The following BICRA variants were observed in gnomAD, a reference collection of about 807,000 sequenced individuals.
BICRA encodes the protein BRD4-interacting chromatin-remodeling complex-associated protein.
In BICRA, 31 loss-of-function variants were observed where a neutral mutation model predicts 96.9. That is an observed-to-expected ratio of 0.32 (90% CI 0.24 to 0.43). BICRA has a LOEUF of 0.43. BICRA is among the 20% of genes least tolerant of loss of function. The pLI is 1.00. For missense variants in BICRA, 2,283 were observed against 2,190.3 expected, an observed-to-expected ratio of 1.04 and a Z score of -0.84; for synonymous variants, 1,350 against 1,071.8, an observed-to-expected ratio of 1.26 and a Z score of -5.07.
In BICRA at chr19:47,680,280, G is replaced by A. The variant is rs1973017249; in HGVS notation, c.1110G>A (p.Pro370=). The A allele has an allele frequency of 4.5e-6, 7 of 1,559,044 alleles. No homozygotes were observed. Among genetic ancestry groups the A allele is most frequent in the East Asian group, 2.4e-5 (1 of 41,592 alleles). ...AGCTCTACCAGCTGACGCCCAAGCC[G>A]TTTGCGCCCGCGGGCGCCACGCTCA... ...PPKLYQLTPK[P]FAPAGATLTI... The change falls in exon 6 of 15, where the codon CCG becomes CCA. Residue 370 remains proline, a synonymous_variant. Transcript: ENST00000594866.
intron 1 of BICRA, among the ~76,000 whole-genome samples, chr19:47,631,308 A>G (rs1599795125): frequency 6.6e-6 from 1 of 151,958 alleles, no homozygotes; most frequent in Non-Finnish European, 1.5e-5. Context: ...GCTCACTGCA[A>G]CCTCCGCCTC....
Position 47,698,645 on chromosome 19 carries a change from A to G in BICRA, c.3260A>G (p.His1087Arg). ...QPSKEACFLE[H>R]LHKHQGSVLH... ...CTTTCCACCCGCAGTTTCCTGGAGCATTTGCACAAACACCAGGGCTCCGTC... is the reference window on the plus strand; with the variant it reads ...CTTTCCACCCGCAGTTTCCTGGAGCGTTTGCACAAACACCAGGGCTCCGTC... Residue 1087 changes from histidine (H) to arginine (R), a missense_variant, in exon 12 of 15, where the codon CAT (histidine) becomes CGT (arginine). Transcript: ENST00000594866. This position sits in a 1 kb window ranked among gnomAD's most constrained non-coding sequence, Gnocchi z 4.8. 2 of 1,403,876 alleles carry G rather than the reference A, an allele frequency of 1.4e-6. No individual in the cohort carries two copies. The highest frequency in any genetic ancestry group is 1.9e-6 in the Non-Finnish European group (2 of 1,033,158). The allele number at this position is 1,403,876 out of a possible 1,614,324, so 87.0% of individuals were successfully genotyped here.
intron 1 of BICRA, among the ~76,000 whole-genome samples, chr19:47,644,602 G>A (rs547369898): frequency 2.5e-4 from 38 of 151,822 alleles, no homozygotes; most frequent in African/African-American, 8.9e-4. Flanking sequence ...TTGGGTTCAA[G>A]CAACCCTCCT....
intron 7 of BICRA, among the ~76,000 whole-genome samples, chr19:47,691,710 C>T (rs1973243427): frequency 6.6e-6 from 1 of 152,046 alleles, no homozygotes; most frequent in Non-Finnish European, 1.5e-5. Flanking sequence ...ATTACAGGCA[C>T]ACATCGCACC....
chr19:47,620,045 G>C (rs141142358), intron 1 of BICRA, among the ~76,000 whole-genome samples: 29 of 152,268 alleles, frequency 1.9e-4, no homozygotes, highest in Admixed American at 7.9e-4. Flanking sequence ...GGGGAGTCCT[G>C]CCCCGTGGAG....
chr19:47,645,943 A>C (rs2123541460), intron 1 of BICRA, among the ~76,000 whole-genome samples: 1 of 152,248 alleles, frequency 6.6e-6, no homozygotes, highest in Non-Finnish European at 1.5e-5. Context: ...CAAAAAATTA[A>C]AAAAGTTAGC....
At chr19:47,633,299 T>C (rs991655724) in intron 1 of BICRA, among the ~76,000 whole-genome samples, 4 of 151,926 alleles carry the variant, frequency 2.6e-5, no homozygotes, top group African/African-American at 9.7e-5. Context: ...AGGCTGGTCT[T>C]GAGCTCCTGA....
intron 7 of BICRA, among the ~76,000 whole-genome samples, chr19:47,692,064 C>T (rs898664137): frequency 3.3e-5 from 5 of 151,998 alleles, no homozygotes; most frequent in Non-Finnish European, 7.4e-5. Flanking sequence ...ATTGGAGTGC[C>T]GCTGCATGTG....
chr19:47,696,040 G>A (rs1201066726), intron 10 of BICRA, among the ~76,000 whole-genome samples: 1 of 152,102 alleles, frequency 6.6e-6, no homozygotes, highest in Non-Finnish European at 1.5e-5. Flanking sequence ...GAGGACAAGA[G>A]GGGAAGCCAG....
At chr19:47,673,033 A>G (rs554203690) in intron 2 of BICRA, among the ~76,000 whole-genome samples, 7 of 152,184 alleles carry the variant, frequency 4.6e-5, no homozygotes, top group African/African-American at 1.7e-4. Flanking sequence ...CTTCTTGTCT[A>G]CACTGGCTCC....
intron 1 of BICRA, among the ~76,000 whole-genome samples, chr19:47,664,360 T>G (rs550429655): frequency 9.8e-5 from 15 of 152,296 alleles, no homozygotes; most frequent in African/African-American, 3.6e-4. Context: ...GGAAGGACAC[T>G]GTGTCATTGT....
rs151237836 is a variant in BICRA, at chr19:47,650,127, G to T, written c.-107-20316G>T. Among the ~76,000 whole-genome samples, 1,099 of 151,418 alleles carry T rather than the reference G, an allele frequency of 7.3e-3. 20 individuals carry two copies. Among genetic ancestry groups the T allele is most frequent in the African/African-American group, 0.025 (1,012 of 41,196 alleles). ...GCCACCATGCCTGGCTAATTTTTTTGTTTGTTTGTTTGTTTGTTTTTTGAG... is the reference window on the plus strand; with the variant it reads ...GCCACCATGCCTGGCTAATTTTTTTTTTTGTTTGTTTGTTTGTTTTTTGAG... On this transcript the variant is annotated intron_variant, in intron 1 of 14. Transcript: ENST00000594866.
At chr19:47,679,068 T>G in intron 5 of BICRA, 1 of 336,288 alleles carries the variant, frequency 3.0e-6, no homozygotes, top group Non-Finnish European at 5.4e-6. Context: ...CCCTGACTAA[T>G]TTTTCTTTTT....
At chr19:47,655,279 A>C (rs1972597495) in intron 1 of BICRA, among the ~76,000 whole-genome samples, 1 of 151,976 alleles carries the variant, frequency 6.6e-6, no homozygotes, top group Non-Finnish European at 1.5e-5. Context: ...TAATCCCAGC[A>C]CTTTGGGAGG....
intron 10 of BICRA, 97 bp from the exon 11 acceptor site, chr19:47,696,353 TC>T: frequency 9.0e-7 from 1 of 1,109,056 alleles, no homozygotes; most frequent in Non-Finnish European, 1.3e-6. Flanking sequence ...GAGACACTGG[TC>T]CCCTGTCCCG....
Position 47,701,762 on chromosome 19 carries a change from G to A in BICRA, c.4030G>A (p.Glu1344Lys). 3 of 1,528,018 alleles carry A rather than the reference G, an allele frequency of 2.0e-6. No homozygotes were observed. Among genetic ancestry groups the A allele is most frequent in the Non-Finnish European group, 2.6e-6 (3 of 1,133,184 alleles). The allele number at this position is 1,528,018 out of a possible 1,614,324, so 94.7% of individuals were successfully genotyped here. A position where few individuals can be genotyped will look rare whatever the true frequency, so the allele number is the denominator to read the frequency against. Residue 1344 changes from glutamate to lysine, a missense_variant, in exon 15 of 15, where the codon GAG becomes AAG. Transcript: ENST00000594866. This position sits in a 1 kb window ranked among gnomAD's most constrained non-coding sequence, Gnocchi z 5.4. The stretch of plus-strand genomic sequence containing the variant: ...ACCCCCCGCTACCCTCAAGGTGGCC[G>A]AGCCCCCGCCACGGCCGCCACCACC... ...PPPPATLKVA[E>K]PPPRPPPPPP...
chr19:47,682,179 C>G (rs747645342), intron 7 of BICRA, 27 bp downstream of exon 7: 3 of 1,155,396 alleles, frequency 2.6e-6, no homozygotes, highest in African/African-American at 1.5e-5. Flanking sequence ...AGCCTGTGTC[C>G]GCAGCACAGA....
chr19:47,679,964 C>A lies in BICRA; in HGVS notation c.794C>A (p.Ser265Ter). 6.7e-7 allele frequency: 1 copy of A among 1,489,578 alleles called. No homozygotes were observed. Among genetic ancestry groups the A allele is most frequent in the Non-Finnish European group, 8.9e-7 (1 of 1,127,026 alleles). The allele number at this position is 1,489,578 out of a possible 1,614,324, so 92.3% of individuals were successfully genotyped here. A position where few individuals can be genotyped will look rare whatever the true frequency, so the allele number is the denominator to read the frequency against. ...GTGCCCGTCAGCGGCTACCTGGCCT[C>A]GGCGGCTGGCCCCTCGGAGCCCGTG... ...KQVPVSGYLA[S>*]AAGPSEPVTL... The change falls in exon 6 of 15, where the codon TCG (serine) becomes TAG (stop). Residue 265 changes from serine to a stop codon, truncating the protein, a stop_gained. Coordinates refer to ENST00000594866, the MANE Select transcript of BICRA (RefSeq NM_001394372.1). LOFTEE classifies it high-confidence loss of function.
chr19:47,689,030 T>C (rs1022597560), intron 7 of BICRA, among the ~76,000 whole-genome samples: 2 of 152,012 alleles, frequency 1.3e-5, no homozygotes, highest in African/African-American at 4.8e-5. Context: ...TTTCACCATG[T>C]TGGCCAGGCT....
Sources: allele counts gnomAD v4.1 joint callset (sites outside exome capture counted in the v4.1 genomes callset), GRCh38; gene constraint gnomAD v4.1.1; non-coding constraint Gnocchi (gnomAD v3.1); transcripts MANE v1.5; gene names NCBI Gene and HGNC (gene_info 2026-07-23, HGNC 2026-07-21).